Variants in THSD7A observed in about 807,000 individuals in gnomAD.
THSD7A encodes thrombospondin type-1 domain-containing protein 7A.
A neutral mutation model predicts 231.3 loss-of-function variants in THSD7A; 96 were observed. The observed-to-expected ratio is 0.41, with a 90% confidence interval of 0.35 to 0.49. The LOEUF (loss-of-function observed/expected upper bound fraction) is 0.49. THSD7A is among the 20% of genes least tolerant of loss of function. The pLI is 0.05. For missense variants in THSD7A, 2,290 were observed against 2,070.2 expected, an observed-to-expected ratio of 1.11 and a Z score of -2.06; for synonymous variants, 940 against 743.3, an observed-to-expected ratio of 1.26 and a Z score of -4.30.
intron 11 of THSD7A, among the ~76,000 whole-genome samples, chr7:11,450,275 C>A (rs1268608986): frequency 6.6e-6 from 1 of 151,968 alleles, no homozygotes; most frequent in African/African-American, 2.4e-5. Flanking sequence ...TCCCTTTTCC[C>A]CATATACCTG....
chr7:11,543,642 A>AC (rs1364740720), intron 4 of THSD7A, among the ~76,000 whole-genome samples: 2 of 152,132 alleles, frequency 1.3e-5, no homozygotes, highest in African/African-American at 4.8e-5. Flanking sequence ...TACTCTCTGT[A>AC]CCCCCCAGCT....
intron 1 of THSD7A, among the ~76,000 whole-genome samples, chr7:11,807,420 A>G (rs1007796284): frequency 3.3e-5 from 5 of 152,184 alleles, no homozygotes; most frequent in African/African-American, 1.2e-4. Flanking sequence ...AAGAGGGACT[A>G]TAATTATTTT....
At chr7:11,560,039 A>G (rs1302686526) in intron 4 of THSD7A, among the ~76,000 whole-genome samples, 1 of 152,192 alleles carries the variant, frequency 6.6e-6, no homozygotes, top group Non-Finnish European at 1.5e-5. Context: ...ATGTCCAATT[A>G]AAAGAGAAGA....
intron 1 of THSD7A, among the ~76,000 whole-genome samples, chr7:11,818,693 G>A (rs1040304942): frequency 2.0e-5 from 3 of 152,170 alleles, no homozygotes; most frequent in African/African-American, 4.8e-5. Flanking sequence ...GTCCGCTAGG[G>A]ATACAGGAGG....
At chr7:11,538,250 AATAAC>A (rs1360286488) in intron 6 of THSD7A, among the ~76,000 whole-genome samples, 8 of 152,036 alleles carry the variant, frequency 5.3e-5, no homozygotes, top group Non-Finnish European at 1.0e-4. Context: ...CAAACAAAAA[AATAAC>A]ATAACTGACT....
At chr7:11,386,881 T>C (rs1782765622) in intron 23 of THSD7A, among the ~76,000 whole-genome samples, 1 of 152,218 alleles carries the variant, frequency 6.6e-6, no homozygotes, top group Non-Finnish European at 1.5e-5. Flanking sequence ...TTGAGTGAAT[T>C]TCTGTATAAG....
At chr7:11,480,853 G>T (rs1039257214) in intron 7 of THSD7A, among the ~76,000 whole-genome samples, 1 of 152,052 alleles carries the variant, frequency 6.6e-6, no homozygotes, top group Non-Finnish European at 1.5e-5. Context: ...CCCCCAAATC[G>T]ATAATTTGGG....
rs531226500 is a variant in THSD7A, at chr7:11,381,199, G to C, written c.4507+1322C>G. 6.2e-4 allele frequency among the ~76,000 whole-genome samples: 94 copies of C among 152,250 alleles called. 1 individual carries two copies. Among genetic ancestry groups the C allele is most frequent in the African/African-American group, 2.2e-3 (91 of 41,566 alleles). On this transcript the variant is annotated intron_variant, in intron 24 of 27. Transcript: ENST00000423059. ...GACTCTTCTCACTCCATACCTCTTA[G>C]AGTGGGGTAGATGGAGCAGATTTTT...
chr7:11,576,894 G>C (rs1584012378), intron 4 of THSD7A, among the ~76,000 whole-genome samples: 1 of 152,248 alleles, frequency 6.6e-6, no homozygotes, highest in East Asian at 1.9e-4. Context: ...TGATGATTTT[G>C]ATAAACTTGT....
intron 7 of THSD7A, among the ~76,000 whole-genome samples, chr7:11,476,247 T>A (rs58824355): frequency 6.6e-5 from 10 of 151,640 alleles, no homozygotes; most frequent in African/African-American, 2.4e-4. Context: ...TTATACAATA[T>A]TTATACGTTA....
intron 2 of THSD7A, among the ~76,000 whole-genome samples, chr7:11,593,818 GAA>G (rs1780260713): frequency 2.6e-5 from 4 of 152,132 alleles, no homozygotes; most frequent in African/African-American, 9.7e-5. Context: ...TTTTAACTTA[GAA>G]AATGAGAAAC....
intron 4 of THSD7A, among the ~76,000 whole-genome samples, chr7:11,558,637 A>G (rs1789947670): frequency 6.6e-6 from 1 of 152,208 alleles, no homozygotes; most frequent in Non-Finnish European, 1.5e-5. Context: ...TAAAGAACTT[A>G]TGTCTCATAA....
At chr7:11,512,165 C>T (rs544951454) in intron 6 of THSD7A, among the ~76,000 whole-genome samples, 9 of 152,190 alleles carry the variant, frequency 5.9e-5, no homozygotes, top group African/African-American at 2.2e-4. Context: ...ATTTATGTAG[C>T]CAAAAGACAC....
At chr7:11,810,377 C>A (rs1784499783) in intron 1 of THSD7A, among the ~76,000 whole-genome samples, 1 of 152,154 alleles carries the variant, frequency 6.6e-6, no homozygotes, top group East Asian at 1.9e-4. Flanking sequence ...TTGCCCATCT[C>A]CAGCTCAGAT....
chr7:11,446,070 T>C lies in THSD7A; in HGVS notation c.3055A>G (p.Asn1019Asp). ...ATGAAGATTGAATTACCATGGCTGT[T>C]ACATCTAGATGTTTCCACAAGCCTG... ...NGRLVETSRC[N>D]SHGYIEEACI... Residue 1019 changes from asparagine (N) to aspartate (D), a missense_variant, in exon 13 of 28, where the codon AAC becomes GAC. Asn to Asp is a conservative substitution (Grantham distance 23). Coordinates refer to ENST00000423059, the MANE Select transcript of THSD7A (RefSeq NM_015204.3). The surrounding 1 kb of genome is among the most constrained non-coding windows in gnomAD (Gnocchi z 4.0). 4 of 1,613,248 alleles carry C rather than the reference T, an allele frequency of 2.5e-6. No individual in the cohort carries two copies. Among genetic ancestry groups the C allele is most frequent in the Non-Finnish European group, 2.5e-6 (3 of 1,179,476 alleles).
chr7:11,559,654 A>C (rs1351447419), intron 4 of THSD7A, among the ~76,000 whole-genome samples: 1 of 152,072 alleles, frequency 6.6e-6, no homozygotes, highest in Non-Finnish European at 1.5e-5. Context: ...AGAAAGTAGA[A>C]GAAAGAGAAT....
chr7:11,749,083 C>T (rs1782413755), intron 1 of THSD7A, among the ~76,000 whole-genome samples: 1 of 151,954 alleles, frequency 6.6e-6, no homozygotes, highest in Non-Finnish European at 1.5e-5. Context: ...AGACATCCAC[C>T]AGGTGGCGAT....
At chr7:11,460,889 C>G (rs1204860743) in intron 10 of THSD7A, 124 bp from the exon 11 acceptor site, 4 of 672,520 alleles carry the variant, frequency 5.9e-6, no homozygotes, top group Non-Finnish European at 1.0e-5. Flanking sequence ...ATGCTCAGTT[C>G]TATCTAAATT....
rs117381789 is a variant in THSD7A at position 11,450,362 on chromosome 7, C to T, written c.2606-2938G>A. Among the ~76,000 whole-genome samples, 117 of 152,128 alleles carry T rather than the reference C, an allele frequency of 7.7e-4. No homozygotes were observed. In the East Asian group the frequency reaches 0.021, roughly 27 times the overall value. On this transcript the variant is annotated intron_variant, in intron 11 of 27. Transcript: ENST00000423059. ...TGTAAAATTCCCATAGCTATTCTCACTCTGCACTTTACACCTCTTATCTGA... is the reference window on the plus strand; with the variant it reads ...TGTAAAATTCCCATAGCTATTCTCATTCTGCACTTTACACCTCTTATCTGA...
Sources: allele counts gnomAD v4.1 joint callset (sites outside exome capture counted in the v4.1 genomes callset), GRCh38; gene constraint gnomAD v4.1.1; non-coding constraint Gnocchi (gnomAD v3.1); transcripts MANE v1.5; gene names NCBI Gene and HGNC (gene_info 2026-07-23, HGNC 2026-07-21).